Variants in DOCK1 observed in about 807,000 individuals in gnomAD.
DOCK1 encodes dedicator of cytokinesis 1.
In DOCK1, 138 loss-of-function variants were observed where a neutral mutation model predicts 262.7. The ratio of observed to expected loss-of-function variants is 0.53; its 90% CI spans 0.46 to 0.61. The LOEUF is 0.61. Ranked by LOEUF, DOCK1 falls within the 20% of genes least tolerant of loss-of-function variation. The pLI, the probability that DOCK1 is intolerant of heterozygous loss-of-function variation, is 0.00. For synonymous variants in DOCK1, 866 were observed against 867.4 expected (o/e 1.00, Z 0.03); for missense variants, 1,908 against 2,370.7 (o/e 0.80, Z 4.05).
intron 1 of DOCK1, among the ~76,000 whole-genome samples, chr10:126,951,417 TA>T (rs2036225901): frequency 6.6e-6 from 1 of 151,854 alleles, no homozygotes; most frequent in Admixed American, 6.6e-5. Flanking sequence ...ATATTAGTGA[TA>T]GTGGTGGTGG....
At chr10:127,378,526 A>G (rs2065648806) in intron 35 of DOCK1, among the ~76,000 whole-genome samples, 1 of 152,196 alleles carries the variant, frequency 6.6e-6, no homozygotes, top group South Asian at 2.1e-4. Flanking sequence ...AGATGAGTGT[A>G]CTTCGGTTGT....
chr10:127,141,154 T>G (rs1425879920), intron 27 of DOCK1, among the ~76,000 whole-genome samples: 1 of 152,222 alleles, frequency 6.6e-6, no homozygotes, highest in East Asian at 1.9e-4. Flanking sequence ...CATAACCTCC[T>G]TGTTGTCTGA....
At chr10:126,984,716 G>T (rs2039239200) in intron 4 of DOCK1, among the ~76,000 whole-genome samples, 1 of 152,124 alleles carries the variant, frequency 6.6e-6, no homozygotes, top group African/African-American at 2.4e-5. Flanking sequence ...TGTATTTATG[G>T]TGTGCAACAT....
In DOCK1 at chr10:127,247,901, C is replaced by T. The variant is rs1042011950; in HGVS notation, c.2848-107C>T. 5.0e-4 allele frequency: 528 copies of T among 1,058,038 alleles called. 1 individual carries two copies. Among genetic ancestry groups the T allele is most frequent in the Non-Finnish European group, 5.9e-4 (419 of 714,518 alleles). The allele number at this position is 1,058,038 out of a possible 1,614,324, so 65.5% of individuals were successfully genotyped here. On this transcript the variant is annotated intron_variant, in intron 27 of 51. Coordinates refer to ENST00000623213, the MANE Select transcript of DOCK1 (RefSeq NM_001290223.2). ...AACCCAGGGCTCCCTGCCCATGCCC[C>T]GTTGCTTCTCCCTGACAGTTTCAAG...
At chr10:127,249,911 A>G (rs1378367584) in intron 28 of DOCK1, among the ~76,000 whole-genome samples, 1 of 152,232 alleles carries the variant, frequency 6.6e-6, no homozygotes, top group Non-Finnish European at 1.5e-5. Flanking sequence ...CCTGAATATT[A>G]ATAAGTAGTT....
chr10:127,196,964 A>G (rs1190045969), intron 27 of DOCK1, among the ~76,000 whole-genome samples: 1 of 152,012 alleles, frequency 6.6e-6, no homozygotes, highest in Non-Finnish European at 1.5e-5. Flanking sequence ...CTGCTGTGCC[A>G]GCCAGCCTGG....
At chr10:127,443,045 T>C (rs1337344128) in intron 49 of DOCK1, among the ~76,000 whole-genome samples, 1 of 152,050 alleles carries the variant, frequency 6.6e-6, no homozygotes, top group East Asian at 1.9e-4. Flanking sequence ...GGCTGATTCC[T>C]TCAGAGGCTG....
chr10:127,424,149 A>T (rs1478079358), intron 46 of DOCK1, among the ~76,000 whole-genome samples: 1 of 152,158 alleles, frequency 6.6e-6, no homozygotes, highest in Non-Finnish European at 1.5e-5. Flanking sequence ...ATTTAGAATC[A>T]CACCTGCAGT....
rs377164578 is a variant in DOCK1 at position 126,987,112 on chromosome 10, G to C, written c.228-409G>C. Among the ~76,000 whole-genome samples the C allele has an allele frequency of 3.4e-4, 52 of 152,210 alleles. 2 individuals carry two copies. Among genetic ancestry groups the C allele is most frequent in the African/African-American group, 1.2e-3 (50 of 41,528 alleles). ...TTTATGCGTGATGGAAAATGTAAAA[G>C]TAATCTTAACCCAAACCTGCATTTT... is the stretch of plus-strand genomic sequence containing the variant. On this transcript the variant is annotated intron_variant, in intron 4 of 51. Coordinates refer to ENST00000623213, the MANE Select transcript of DOCK1 (RefSeq NM_001290223.2).
intron 33 of DOCK1, 37 bp from the exon 34 acceptor site, chr10:127,373,744 C>A (rs2065337253): frequency 6.5e-7 from 1 of 1,546,708 alleles, no homozygotes; most frequent in Non-Finnish European, 8.8e-7. Context: ...AAATACTCGC[C>A]ATGCTGATTA....
chr10:127,404,572 G>A (rs1279071748), intron 40 of DOCK1, 143 bp downstream of exon 40: 2 of 725,622 alleles, frequency 2.8e-6, no homozygotes, highest in Non-Finnish European at 2.3e-6. Context: ...GGTTAGCCCG[G>A]GGGGCAGAGA....
chr10:127,018,912 T>G (rs2042205425), intron 13 of DOCK1, 77 bp downstream of exon 13: 3 of 1,580,932 alleles, frequency 1.9e-6, no homozygotes, highest in Non-Finnish European at 2.6e-6. Context: ...GTGGGCAGCA[T>G]CATGTATGAG....
Position 127,037,737 on chromosome 10 carries a change from T to G in DOCK1, c.1931T>G (p.Leu644Trp). The stretch of plus-strand genomic sequence containing the variant: ...TTTCCAGTGGACCTTCTGGGGCTCT[T>G]GAAATGGCGCTCCAACACCAGCCTG... ...LTQNVDLLGL[L>W]KWRSNTSLLQ... is the part of the protein sequence containing the mutation. The change falls in exon 19 of 52, where the codon TTG (leucine) becomes TGG (tryptophan). Residue 644 changes from leucine to tryptophan, a missense_variant. Physicochemically the swap from Leu to Trp is moderately conservative, Grantham distance 61 (BLOSUM62 -2). Transcript: ENST00000623213. The G allele has an allele frequency of 6.3e-7, 1 of 1,592,782 alleles. No homozygotes were observed. The highest frequency in any genetic ancestry group is 8.6e-7 in the Non-Finnish European group (1 of 1,169,334).
chr10:127,083,211 C>T (rs2047006871), intron 23 of DOCK1, among the ~76,000 whole-genome samples: 1 of 152,206 alleles, frequency 6.6e-6, no homozygotes, highest in African/African-American at 2.4e-5. Context: ...CCACAGGTTC[C>T]AACACTTTCT....
chr10:127,322,425 AGTG>A (rs2062575839), intron 29 of DOCK1, among the ~76,000 whole-genome samples: 1 of 151,942 alleles, frequency 6.6e-6, no homozygotes, highest in African/African-American at 2.4e-5. Flanking sequence ...CCTGACCTCA[AGTG>A]AACCACCCAT....
chr10:127,277,870 G>A (rs187722976), intron 29 of DOCK1, among the ~76,000 whole-genome samples: 1 of 152,296 alleles, frequency 6.6e-6, no homozygotes, highest in East Asian at 1.9e-4. Context: ...TTTTTCAAGT[G>A]AGTCATCTTT....
chr10:127,441,239 G>C (rs2070103229), intron 49 of DOCK1, among the ~76,000 whole-genome samples: 1 of 152,198 alleles, frequency 6.6e-6, no homozygotes, highest in Non-Finnish European at 1.5e-5. Context: ...TTCTGTCCCT[G>C]CCCTTGGTGG....
chr10:127,160,271 T>C (rs2053482334), intron 27 of DOCK1, among the ~76,000 whole-genome samples: 1 of 152,162 alleles, frequency 6.6e-6, no homozygotes, highest in Admixed American at 6.5e-5. Flanking sequence ...AGTACTAGTA[T>C]TGGGTTATTG....
At chr10:127,380,971 G>A (rs2065792775) in intron 36 of DOCK1, among the ~76,000 whole-genome samples, 1 of 151,924 alleles carries the variant, frequency 6.6e-6, no homozygotes, top group Admixed American at 6.6e-5. Flanking sequence ...TTGTGCATTT[G>A]GACTCAGTAG....
Sources: allele counts gnomAD v4.1 joint callset (sites outside exome capture counted in the v4.1 genomes callset), GRCh38; gene constraint gnomAD v4.1.1; transcripts MANE v1.5; gene names NCBI Gene and HGNC (gene_info 2026-07-23, HGNC 2026-07-21).